GBF1: variants seen among roughly 807,000 people sequenced by gnomAD.
GBF1 encodes the protein golgi brefeldin A resistant guanine nucleotide exchange factor 1, also known as Golgi-specific brefeldin A-resistance guanine nucleotide exchange factor 1.
GBF1 carries 114 observed loss-of-function variants against 210.5 expected under a neutral mutation model. That is an observed-to-expected ratio of 0.54 (90% CI 0.47 to 0.63). The LOEUF (loss-of-function observed/expected upper bound fraction) is 0.63. GBF1 is among the 30% of genes least tolerant of loss of function. GBF1 has a pLI of 0.00. For synonymous variants in GBF1, 850 were observed against 889.2 expected (o/e 0.96, Z 0.78); for missense variants, 1,851 against 2,357.7 (o/e 0.79, Z 4.45).
intron 3 of GBF1, among the ~76,000 whole-genome samples, chr10:102,312,738 A>T (rs892852192): frequency 6.6e-6 from 1 of 152,228 alleles, no homozygotes; most frequent in African/African-American, 2.4e-5. Context: ...AGCTTTGCCC[A>T]TGAGACACTG....
intron 17 of GBF1, 108 bp from the exon 18 acceptor site, chr10:102,365,289 A>G (rs1268097919): frequency 9.4e-6 from 7 of 748,388 alleles, no homozygotes; most frequent in Non-Finnish European, 1.6e-5. Flanking sequence ...ACCACATCCT[A>G]GGAGCTTTTT....
rs1042289640 is a variant in GBF1 at position 102,366,182 on chromosome 10, G to C, written c.2310-201G>C. On this transcript the variant is annotated intron_variant, in intron 18 of 39. Transcript: ENST00000369983. This position sits in a 1 kb window ranked among gnomAD's most constrained non-coding sequence, Gnocchi z 4.0. ...GGTAGAGCAGGGTTCCAGGGGGTGA[G>C]GGTTCTAGGCAAGAGTCCGTGGATG... Among the ~76,000 whole-genome samples the C allele has an allele frequency of 6.6e-6, 1 of 152,126 alleles. No homozygotes were observed. The highest frequency in any genetic ancestry group is 2.4e-5 in the African/African-American group (1 of 41,412).
rs543838466 is a variant in GBF1, at chr10:102,336,171, T to C, written c.164-7880T>C. On this transcript the variant is annotated intron_variant, in intron 3 of 39. Transcript: ENST00000369983. ...CAAAAATTAGCTGGGTGTGGTGGCATGTGCCTGTAGTCCCAGCTACTCGGG... is the reference window on the plus strand; with the variant it reads ...CAAAAATTAGCTGGGTGTGGTGGCACGTGCCTGTAGTCCCAGCTACTCGGG... 3.2e-4 allele frequency among the ~76,000 whole-genome samples: 48 copies of C among 151,772 alleles called. No homozygotes were observed. The South Asian group carries it at 7.7e-3, about 24-fold the overall frequency.
In GBF1 at chr10:102,262,656, T is replaced by C. The variant is rs144814064; in HGVS notation, c.163+2540T>C. 6.0e-3 allele frequency among the ~76,000 whole-genome samples: 908 copies of C among 152,298 alleles called. 7 individuals carry two copies. Among genetic ancestry groups the C allele is most frequent in the Middle Eastern group, 0.014 (4 of 294 alleles). On this transcript the variant is annotated intron_variant, in intron 3 of 39. Coordinates refer to ENST00000369983, the MANE Select transcript of GBF1 (RefSeq NM_001377137.1). The stretch of plus-strand genomic sequence containing the variant: ...GCTGCTATCCTGACAGAGCCACATT[T>C]CCTGCCTGCTACTGAATCCAGATCC...
the GBF1 span, chr10:102,231,105 C>T: frequency 6.5e-7 from 1 of 1,538,340 alleles, no homozygotes; most frequent in East Asian, 2.3e-5. Context: ...ACCACACCTG[C>T]GGGCACGGGA....
At chr10:102,246,982 G>T (rs1029567852) in intron 1 of GBF1, among the ~76,000 whole-genome samples, 2 of 152,156 alleles carry the variant, frequency 1.3e-5, no homozygotes, top group Non-Finnish European at 2.9e-5. Flanking sequence ...TTAAGAGCAG[G>T]ATCAACCTAA....
intron 8 of GBF1, among the ~76,000 whole-genome samples, chr10:102,356,383 C>A (rs1363117277): frequency 6.6e-6 from 1 of 152,150 alleles, no homozygotes; most frequent in East Asian, 1.9e-4. Flanking sequence ...ATGGTCCAAT[C>A]CAAGAATGGT....
In GBF1 at chr10:102,368,325, G is replaced by C. The variant is rs768612927; in HGVS notation, c.2750G>C (p.Arg917Pro). The change falls in exon 22 of 40, where the codon CGT becomes CCT. Residue 917 changes from arginine to proline, a missense_variant. Physicochemically the swap from Arg to Pro is moderately radical, Grantham distance 103. This residue lies in a region of GBF1 where 967 missense variants were observed against 1,247.7 expected (regional missense o/e 0.78). Transcript: ENST00000369983. ...GCCACCCCTGAGGGCATATTCCTGC[G>C]TGTGCCTACTGCCAGCTATGATCTT... is the stretch of plus-strand genomic sequence containing the variant. ...RGATPEGIFL[R>P]VPTASYDLDL... 7 of 1,613,678 alleles carry C rather than the reference G, an allele frequency of 4.3e-6. No individual in the cohort carries two copies. The highest frequency in any genetic ancestry group is 5.1e-6 in the Non-Finnish European group (6 of 1,179,536).
Position 102,363,673 on chromosome 10 carries a change from G to T in GBF1, c.2018-37G>T, listed in dbSNP as rs1336763194. The T allele has an allele frequency of 1.5e-6, 2 of 1,346,840 alleles. No homozygotes were observed. The highest frequency in any genetic ancestry group is 2.9e-5 in the African/African-American group (2 of 69,586). The allele number at this position is 1,346,840 out of a possible 1,614,324, so 83.4% of individuals were successfully genotyped here. A position where few individuals can be genotyped will look rare whatever the true frequency, so the allele number is the denominator to read the frequency against. ...AGTCCTTATCTGGGTAAAAAAAGGTGTTACAGATATTTCCCCCCTCTTCTT... is the reference window on the plus strand; with the variant it reads ...AGTCCTTATCTGGGTAAAAAAAGGTTTTACAGATATTTCCCCCCTCTTCTT... On this transcript the variant is annotated intron_variant, in intron 16 of 39. Coordinates refer to ENST00000369983, the MANE Select transcript of GBF1 (RefSeq NM_001377137.1). This position sits in a 1 kb window ranked among gnomAD's most constrained non-coding sequence, Gnocchi z 4.2.
chr10:102,273,824 G>A lies in GBF1; in HGVS notation c.163+13708G>A, dbSNP rs142648616. The stretch of plus-strand genomic sequence containing the variant: ...CGTTATAATCCTGGAAAATATTAGA[G>A]TAAGTATTCTTCCCCAAGGAAATAA... On this transcript the variant is annotated intron_variant, in intron 3 of 39. Coordinates refer to ENST00000369983, the MANE Select transcript of GBF1 (RefSeq NM_001377137.1). Among the ~76,000 whole-genome samples the A allele has an allele frequency of 3.9e-5, 6 of 152,278 alleles. No individual in the cohort carries two copies. In the East Asian group the frequency reaches 1.2e-3, roughly 29 times the overall value.
chr10:102,245,989 A>G (rs984434315), intron 1 of GBF1, among the ~76,000 whole-genome samples: 3 of 152,186 alleles, frequency 2.0e-5, no homozygotes, highest in Admixed American at 6.5e-5. Flanking sequence ...AGGAGGGGCG[A>G]TTTCTGCTCT....
rs1378161287 is a variant in GBF1, at chr10:102,361,892, C to G, written c.1666C>G (p.Leu556Val). 3 of 1,604,852 alleles carry G rather than the reference C, an allele frequency of 1.9e-6. No homozygotes were observed. Among genetic ancestry groups the G allele is most frequent in the Non-Finnish European group, 2.6e-6 (3 of 1,175,424 alleles). Reference sequence around the variant, plus strand: ...CTACTGTTCCAACCTCTTTGAGGAACTCACAAAGCTGCTGTCCAAGGTGCT... The same window carrying G: ...CTACTGTTCCAACCTCTTTGAGGAAGTCACAAAGCTGCTGTCCAAGGTGCT... ...DYYCSNLFEELTKLLSKNAFP... is the reference protein window; with the variant it reads ...DYYCSNLFEEVTKLLSKNAFP... The change falls in exon 14 of 40, where the codon CTC becomes GTC. Residue 556 changes from leucine to valine, a missense_variant. Transcript: ENST00000369983.
intron 3 of GBF1, among the ~76,000 whole-genome samples, chr10:102,284,954 T>C (rs1436264080): frequency 6.6e-6 from 1 of 152,168 alleles, no homozygotes; most frequent in Non-Finnish European, 1.5e-5. Flanking sequence ...TTTATATAGC[T>C]TCAAAAGCTT....
chr10:102,242,368 C>G (rs142469110), upstream of GBF1, among the ~76,000 whole-genome samples: 2 of 152,340 alleles, frequency 1.3e-5, no homozygotes, highest in East Asian at 3.9e-4. Flanking sequence ...AAAGGCATTG[C>G]CTTTCAGTCT....
At chr10:102,285,035 C>T (rs2075823338) in intron 3 of GBF1, among the ~76,000 whole-genome samples, 1 of 152,184 alleles carries the variant, frequency 6.6e-6, no homozygotes, top group South Asian at 2.1e-4. Context: ...TGCTTCTCTC[C>T]TGAAATAACT....
At chr10:102,280,955 T>G (rs979820933) in intron 3 of GBF1, among the ~76,000 whole-genome samples, 4 of 152,150 alleles carry the variant, frequency 2.6e-5, no homozygotes, top group Non-Finnish European at 5.9e-5. Context: ...GACTTTTGCT[T>G]TCTTCTTTTT....
chr10:102,351,410 C>A, intron 5 of GBF1, 36 bp downstream of exon 5: 1 of 1,111,752 alleles, frequency 9.0e-7, no homozygotes, highest in Non-Finnish European at 1.4e-6. Flanking sequence ...GGCTAATGGC[C>A]AGGGGCTGGT....
At chr10:102,381,297 G>A in intron 39 of GBF1, 42 bp downstream of exon 39, 1 of 1,605,772 alleles carries the variant, frequency 6.2e-7, no homozygotes, top group Non-Finnish European at 8.5e-7. Flanking sequence ...TGAGTAGCAA[G>A]CAGGGGGCCT....
chr10:102,267,948 C>G (rs2074027525), intron 3 of GBF1, among the ~76,000 whole-genome samples: 1 of 152,160 alleles, frequency 6.6e-6, no homozygotes, highest in South Asian at 2.1e-4. Flanking sequence ...ACTTGAGTGG[C>G]CACAGACTTG....
Sources: allele counts gnomAD v4.1 joint callset (sites outside exome capture counted in the v4.1 genomes callset), GRCh38; gene constraint gnomAD v4.1.1; regional missense constraint gnomAD v4.1.1; non-coding constraint Gnocchi (gnomAD v3.1); transcripts MANE v1.5; gene names NCBI Gene and HGNC (gene_info 2026-07-23, HGNC 2026-07-21).